The following SLC4A4 variants were observed in gnomAD, a reference collection of about 807,000 sequenced individuals.
SLC4A4 encodes the protein solute carrier family 4 member 4.
SLC4A4 carries 27 observed loss-of-function variants against 111.5 expected under a neutral mutation model. The observed-to-expected ratio is 0.24, with a 90% confidence interval of 0.18 to 0.33. SLC4A4 has a LOEUF of 0.33. SLC4A4 is among the 10% of genes least tolerant of loss of function. The pLI is 1.00. For missense variants in SLC4A4, 909 were observed against 1,315.5 expected (o/e 0.69, Z 4.78); for synonymous variants, 443 against 463.4 (o/e 0.96, Z 0.57).
In SLC4A4 at chr4:71,546,557, C is replaced by T. The variant is rs373292288; in HGVS notation, c.2621+29C>T. 847 of 1,589,522 alleles carry T rather than the reference C, an allele frequency of 5.3e-4. 1 individual carries two copies. Among genetic ancestry groups the T allele is most frequent in the Non-Finnish European group, 4.8e-4 (560 of 1,160,592 alleles). Reference sequence around the variant, plus strand: ...TGTTAACTCAGAGGAAAATGGCTCCCGAAAACACACTGTGCACACATCTAT... The same window carrying T: ...TGTTAACTCAGAGGAAAATGGCTCCTGAAAACACACTGTGCACACATCTAT... On this transcript the variant is annotated intron_variant, in intron 19 of 25. Transcript: ENST00000264485.
intron 2 of SLC4A4, among the ~76,000 whole-genome samples, chr4:71,105,878 TA>T (rs1742903244): frequency 6.9e-6 from 1 of 144,120 alleles, no homozygotes; most frequent in African/African-American, 2.6e-5. Flanking sequence ...ACTTCATGTC[TA>T]AAACACCAAA....
chr4:71,235,791 G>A (rs761653534), intron 1 of SLC4A4, among the ~76,000 whole-genome samples: 5 of 152,170 alleles, frequency 3.3e-5, no homozygotes, highest in Non-Finnish European at 7.3e-5. Flanking sequence ...GAGACAGGAG[G>A]ACAGCATAAT....
At chr4:71,166,974 G>A (rs538643758) in intron 2 of SLC4A4, among the ~76,000 whole-genome samples, 16 of 152,084 alleles carry the variant, frequency 1.1e-4, no homozygotes, top group Admixed American at 1.0e-3. Context: ...GCTGCTTGAT[G>A]AATTATTACA....
At chr4:71,381,482 T>G (rs1041410116) in intron 6 of SLC4A4, among the ~76,000 whole-genome samples, 1 of 152,188 alleles carries the variant, frequency 6.6e-6, no homozygotes, top group Non-Finnish European at 1.5e-5. Context: ...TTGTCTTCAG[T>G]AACAGTGATT....
At position 71,187,332 on chromosome 4, in the gene SLC4A4, T is replaced by C. The variant is rs1745515488; in HGVS notation, c.-71T>C. 6.5e-6 allele frequency: 1 copy of C among 154,726 alleles called. No homozygotes were observed. Among genetic ancestry groups the C allele is most frequent in the African/African-American group, 2.4e-5 (1 of 41,312 alleles). The allele number at this position is 154,726 out of a possible 1,614,324, so 9.6% of individuals were successfully genotyped here. ...GCGAAGGCGGCGGCGGCGGCGGCAG[T>C]GGCAGTGGCCGCTGCAGCCCCACAC... On this transcript the variant is annotated 5_prime_UTR_variant, in exon 1 of 26. Transcript: ENST00000264485.
At chr4:71,350,375 TTTATTA>T (rs890444655) in intron 5 of SLC4A4, among the ~76,000 whole-genome samples, 1 of 151,794 alleles carries the variant, frequency 6.6e-6, no homozygotes, top group African/African-American at 2.4e-5. Context: ...TTTATTTTAT[TTTATTA>T]TTATTATTAT....
chr4:71,476,996 G>C (rs1347302010), intron 14 of SLC4A4, among the ~76,000 whole-genome samples: 1 of 151,706 alleles, frequency 6.6e-6, no homozygotes, highest in Non-Finnish European at 1.5e-5. Context: ...TAGTTCAAAA[G>C]CCAAAAGTGA....
At chr4:71,171,283 G>A (rs956692935) in intron 2 of SLC4A4, among the ~76,000 whole-genome samples, 5 of 151,896 alleles carry the variant, frequency 3.3e-5, no homozygotes, top group Non-Finnish European at 7.4e-5. Flanking sequence ...TGTGGATGTT[G>A]GGAGGTCATA....
At chr4:71,241,338 T>C (rs1052394706) in intron 2 of SLC4A4, among the ~76,000 whole-genome samples, 5 of 152,126 alleles carry the variant, frequency 3.3e-5, no homozygotes, top group Non-Finnish European at 5.9e-5. Context: ...TCTCCTACTC[T>C]GTTTTTTGAA....
At chr4:71,433,273 C>A (rs540288754) in intron 7 of SLC4A4, among the ~76,000 whole-genome samples, 24 of 151,726 alleles carry the variant, frequency 1.6e-4, no homozygotes, top group Non-Finnish European at 3.2e-4. Context: ...TTAGTCTCAT[C>A]TAGTCTGCCT....
At chr4:71,129,066 T>C (rs1248757283) in intron 2 of SLC4A4, among the ~76,000 whole-genome samples, 2 of 152,152 alleles carry the variant, frequency 1.3e-5, no homozygotes, top group Admixed American at 6.5e-5. Context: ...AAAGATTTCA[T>C]GAAGAAGATG....
intron 2 of SLC4A4, among the ~76,000 whole-genome samples, chr4:71,167,974 G>GTCTT (rs1744827479): frequency 6.6e-6 from 1 of 151,482 alleles, no homozygotes; most frequent in African/African-American, 2.4e-5. Context: ...GCTGGGTAAT[G>GTCTT]TCTTTTTTTA....
At chr4:71,391,059 T>G (rs1719207823) in intron 6 of SLC4A4, among the ~76,000 whole-genome samples, 1 of 152,080 alleles carries the variant, frequency 6.6e-6, no homozygotes, top group Non-Finnish European at 1.5e-5. Context: ...AGAAAGAACA[T>G]CAATGAGTCA....
rs1041263483 is a variant in SLC4A4 at position 71,153,018 on chromosome 4, T to A, written c.-2+60226T>A. ...ATATAAATATATATGTGTATATATA[T>A]AAATATATGTGTGTGTATATATATA... On this transcript the variant is annotated intron_variant, in intron 2 of 26. Transcript: ENST00000649996. Among the ~76,000 whole-genome samples the A allele has an allele frequency of 2.9e-5, 4 of 138,954 alleles. No homozygotes were observed. The Admixed American group carries it at 3.0e-4, about 10-fold the overall frequency. 91.2% of individuals were successfully genotyped at this position (138,954 alleles called of 152,430 possible). A position where few individuals can be genotyped will look rare whatever the true frequency, so the allele number is the denominator to read the frequency against.
At chr4:71,487,072 T>A in intron 15 of SLC4A4, 54 bp downstream of exon 15, 1 of 1,012,514 alleles carries the variant, frequency 9.9e-7, no homozygotes, top group Non-Finnish European at 1.6e-6. Flanking sequence ...ATTGTATACT[T>A]GTTTATAATA....
At chr4:71,092,615 G>A (rs1742418643) in intron 1 of SLC4A4, among the ~76,000 whole-genome samples, 1 of 152,186 alleles carries the variant, frequency 6.6e-6, no homozygotes, top group Non-Finnish European at 1.5e-5. Flanking sequence ...CCTGAAAGGA[G>A]GGCAAGAAGA....
At chr4:71,158,095 C>CTT (rs1399742425) in intron 2 of SLC4A4, among the ~76,000 whole-genome samples, 2 of 99,408 alleles carry the variant, frequency 2.0e-5, no homozygotes, top group African/African-American at 8.5e-5. Flanking sequence ...ACATCCTTGA[C>CTT]TCTGTGTGTG....
At position 71,564,336 on chromosome 4, in the gene SLC4A4, AT is replaced by A. The variant is rs147416372; in HGVS notation, c.3196+450del. ...AATAAATCAATTGTTAATATTGAGAATTTGGAAAAATTTAATTTTGATTAAA... is the reference window on the plus strand; with the variant it reads ...AATAAATCAATTGTTAATATTGAGAATTGGAAAAATTTAATTTTGATTAAA... On this transcript the variant is annotated intron_variant, in intron 24 of 25. Coordinates refer to ENST00000264485, the MANE Select transcript of SLC4A4 (RefSeq NM_001098484.3). Among the ~76,000 whole-genome samples, 462 of 151,998 alleles carry A rather than the reference AT, an allele frequency of 3.0e-3. 4 individuals carry two copies. Among genetic ancestry groups the A allele is most frequent in the Non-Finnish European group, 4.0e-3 (269 of 67,890 alleles).
intron 2 of SLC4A4, among the ~76,000 whole-genome samples, chr4:71,175,889 G>A (rs556453741): frequency 6.6e-6 from 1 of 152,298 alleles, no homozygotes; most frequent in South Asian, 2.1e-4. Flanking sequence ...CCTCAAGTGG[G>A]TCCCTGCCCC....
Sources: allele counts gnomAD v4.1 joint callset (sites outside exome capture counted in the v4.1 genomes callset), GRCh38; gene constraint gnomAD v4.1.1; transcripts MANE v1.5; gene names NCBI Gene and HGNC (gene_info 2026-07-23, HGNC 2026-07-21).